The following SIPA1L3 variants were observed in gnomAD, a reference collection of about 807,000 sequenced individuals.
The protein encoded by SIPA1L3 is signal induced proliferation associated 1 like 3.
A neutral mutation model predicts 150.1 loss-of-function variants in SIPA1L3; 59 were observed. The observed-to-expected ratio is 0.39, with a 90% CI of 0.32 to 0.49. SIPA1L3 has a LOEUF of 0.49. Ranked by LOEUF, SIPA1L3 falls within the 20% of genes least tolerant of loss-of-function variation. SIPA1L3 has a pLI of 0.86. For missense variants in SIPA1L3, 2,211 were observed against 2,489.5 expected (o/e 0.89, Z 2.38); for synonymous variants, 1,070 against 1,077.6 (o/e 0.99, Z 0.14).
chr19:38,154,693 G>A (rs1401660482), intron 13 of SIPA1L3, among the ~76,000 whole-genome samples: 1 of 151,382 alleles, frequency 6.6e-6, no homozygotes, highest in East Asian at 1.9e-4. Context: ...TGATCCACCC[G>A]CCTCAGCCTC....
At chr19:38,143,267 C>G (rs1032736326) in intron 12 of SIPA1L3, among the ~76,000 whole-genome samples, 25 of 152,294 alleles carry the variant, frequency 1.6e-4, no homozygotes, top group African/African-American at 6.0e-4. Flanking sequence ...CTTCAGCCCT[C>G]GTGCCCTCTG....
intron 12 of SIPA1L3, among the ~76,000 whole-genome samples, chr19:38,144,469 T>C (rs935349036): frequency 6.6e-6 from 1 of 152,244 alleles, no homozygotes; most frequent in Non-Finnish European, 1.5e-5. Flanking sequence ...GGCATTGGAA[T>C]CACCCAGAGG....
intron 9 of SIPA1L3, among the ~76,000 whole-genome samples, chr19:38,129,382 T>G (rs1971255933): frequency 6.6e-6 from 1 of 151,712 alleles, no homozygotes; most frequent in Non-Finnish European, 1.5e-5. Context: ...TCCCAGCACT[T>G]TGGGAGGCCG....
chr19:38,179,777 TG>T (rs1208997665), intron 15 of SIPA1L3, among the ~76,000 whole-genome samples: 2 of 152,268 alleles, frequency 1.3e-5, no homozygotes, highest in Non-Finnish European at 2.9e-5. Context: ...TTTGCCATCT[TG>T]GGCTATTCAT....
In SIPA1L3 at chr19:38,034,549, A is replaced by G. The variant is rs566688499; in HGVS notation, c.-311+5393A>G. Among the ~76,000 whole-genome samples the G allele has an allele frequency of 2.5e-3, 375 of 152,176 alleles. 1 individual carries two copies. Among genetic ancestry groups the G allele is most frequent in the Non-Finnish European group, 4.4e-3 (301 of 67,998 alleles). Reference sequence around the variant, plus strand: ...TGCGGGGGGTGGGGTACAGGGGACCAGGCTGCTCACTGTCTGGCCTGGGTT... The same window carrying G: ...TGCGGGGGGTGGGGTACAGGGGACCGGGCTGCTCACTGTCTGGCCTGGGTT... On this transcript the variant is annotated intron_variant, in intron 2 of 21. Transcript: ENST00000222345.
At chr19:38,121,940 G>A (rs1485060600) in intron 9 of SIPA1L3, among the ~76,000 whole-genome samples, 1 of 151,776 alleles carries the variant, frequency 6.6e-6, no homozygotes, top group East Asian at 1.9e-4. Flanking sequence ...TGAAAAAGTG[G>A]CCAGGCGCGG....
chr19:38,175,332 G>A (rs966048215), intron 15 of SIPA1L3, among the ~76,000 whole-genome samples: 3 of 152,054 alleles, frequency 2.0e-5, no homozygotes, highest in Non-Finnish European at 4.4e-5. Context: ...CTGAGAGCCT[G>A]TCACCCACCC....
At chr19:38,080,832 A>C (rs895588289) in intron 2 of SIPA1L3, among the ~76,000 whole-genome samples, 1 of 151,956 alleles carries the variant, frequency 6.6e-6, no homozygotes, top group Admixed American at 6.6e-5. Context: ...TTAGCCGGGC[A>C]TGGTAGCACA....
In SIPA1L3 at chr19:38,088,841, G is replaced by T; in HGVS notation, c.1655G>T (p.Arg552Leu). Residue 552 changes from arginine to leucine, a missense_variant, in exon 4 of 22, where the codon CGG becomes CTG. Transcript: ENST00000222345. ...CAGTACCAGTACAGGATCATCTTCC[G>T]GACCCGCGAGGTAGGTCCCATCACT... Reference protein sequence around the residue: ...GPQYQYRIIFRTRELITLRGS... With the variant: ...GPQYQYRIIFLTRELITLRGS... 6.2e-7 allele frequency: 1 copy of T among 1,613,850 alleles called. No individual in the cohort carries two copies. The highest frequency in any genetic ancestry group is 8.5e-7 in the Non-Finnish European group (1 of 1,179,806).
chr19:38,084,494 C>T (rs1444869103), intron 3 of SIPA1L3, among the ~76,000 whole-genome samples: 2 of 134,190 alleles, frequency 1.5e-5, no homozygotes, highest in African/African-American at 2.9e-5. Flanking sequence ...GGCTGGGAAA[C>T]GCAGGTTTTT....
chr19:38,193,809 G>A (rs746388644), intron 18 of SIPA1L3, 29 bp downstream of exon 18: 31 of 1,525,610 alleles, frequency 2.0e-5, no homozygotes, highest in South Asian at 2.0e-4. Context: ...GGACTGGCGC[G>A]GTAGTTACCC....
At chr19:38,065,760 G>A (rs796787727) in intron 2 of SIPA1L3, among the ~76,000 whole-genome samples, 2 of 152,162 alleles carry the variant, frequency 1.3e-5, no homozygotes, top group African/African-American at 4.8e-5. Flanking sequence ...GTGAGCACAC[G>A]CTAAGTATAA....
intron 6 of SIPA1L3, among the ~76,000 whole-genome samples, chr19:38,105,953 A>G (rs1025473779): frequency 1.3e-5 from 2 of 152,162 alleles, no homozygotes; most frequent in Non-Finnish European, 2.9e-5. Flanking sequence ...AAAGTTTTCC[A>G]AAGTGCTTGT....
intron 1 of SIPA1L3, among the ~76,000 whole-genome samples, chr19:38,027,661 T>C (rs1423499079): frequency 6.6e-6 from 1 of 151,988 alleles, no homozygotes; most frequent in African/African-American, 2.4e-5. Flanking sequence ...GTTGCTGGGT[T>C]CACATCCTGG....
chr19:38,097,284 G>T (rs1970401776), intron 4 of SIPA1L3, among the ~76,000 whole-genome samples: 1 of 152,172 alleles, frequency 6.6e-6, no homozygotes, highest in Non-Finnish European at 1.5e-5. Context: ...AGGAGGTCGA[G>T]GCTGCAGTGA....
intron 2 of SIPA1L3, among the ~76,000 whole-genome samples, chr19:38,043,410 A>G (rs1006718067): frequency 4.6e-5 from 7 of 152,302 alleles, no homozygotes; most frequent in Middle Eastern, 3.4e-3. Context: ...GAAAGAAAGA[A>G]AAAAGCAGAT....
intron 1 of SIPA1L3, among the ~76,000 whole-genome samples, chr19:37,922,972 C>CAA (rs553338956): frequency 4.8e-5 from 6 of 125,574 alleles, no homozygotes; most frequent in East Asian, 2.3e-4. Flanking sequence ...ACTAAAAATA[C>CAA]AAAAAAAAAA....
chr19:38,198,606 A>G lies in SIPA1L3; in HGVS notation c.4984+74A>G, dbSNP rs373402612. The stretch of plus-strand genomic sequence containing the variant: ...TCTAGAGGGATTCATGGAGGGCCTC[A>G]TGGCTTTGCAGGGATACCCACTCAG... On this transcript the variant is annotated intron_variant, in intron 19 of 21. Coordinates refer to ENST00000222345, the MANE Select transcript of SIPA1L3 (RefSeq NM_015073.3). 5.4e-6 allele frequency: 7 copies of G among 1,308,376 alleles called. No individual in the cohort carries two copies. In the South Asian group the frequency reaches 1.5e-4, roughly 27 times the overall value. 81.0% of individuals were successfully genotyped at this position (1,308,376 alleles called of 1,614,324 possible).
chr19:37,973,147 C>G (rs1454360748), intron 1 of SIPA1L3, among the ~76,000 whole-genome samples: 1 of 151,870 alleles, frequency 6.6e-6, no homozygotes, highest in Admixed American at 6.6e-5. Context: ...CTTTCTCACC[C>G]AGGTCAGAAC....
Sources: allele counts gnomAD v4.1 joint callset (sites outside exome capture counted in the v4.1 genomes callset), GRCh38; gene constraint gnomAD v4.1.1; transcripts MANE v1.5; gene names NCBI Gene and HGNC (gene_info 2026-07-23, HGNC 2026-07-21).